MDGA2: variants seen among roughly 807,000 people sequenced by gnomAD.
The protein encoded by MDGA2 is MAM domain-containing glycosylphosphatidylinositol anchor protein 2.
In MDGA2, 40 loss-of-function variants were observed where a neutral mutation model predicts 117.8. The ratio of observed to expected loss-of-function variants is 0.34; its 90% CI spans 0.26 to 0.44. The LOEUF (loss-of-function observed/expected upper bound fraction) is 0.44. Among genes scored for constraint, MDGA2 ranks in the 20% least tolerant of loss-of-function variants. The pLI is 1.00. For missense variants in MDGA2, 1,123 were observed against 1,250.6 expected (o/e 0.90, Z 1.54); for synonymous variants, 452 against 439.0 (o/e 1.03, Z -0.37).
chr14:46,998,172 G>A (rs1280960595), intron 8 of MDGA2, among the ~76,000 whole-genome samples: 4 of 152,098 alleles, frequency 2.6e-5, no homozygotes, highest in Admixed American at 2.6e-4. Context: ...GACCAGGCAT[G>A]GTGGCTCACA....
At position 47,269,620 on chromosome 14, in the gene MDGA2, T is replaced by G. The variant is rs1304700162; in HGVS notation, c.420+31791A>C. ...AACATAAATATGCTTTGTTGATCCT[T>G]GCTTCATTAAAGTATCAGTAAAGTA... is the stretch of plus-strand genomic sequence containing the variant. On this transcript the variant is annotated intron_variant, in intron 2 of 16. Transcript: ENST00000399232. Among the ~76,000 whole-genome samples, 5 of 152,300 alleles carry G rather than the reference T, an allele frequency of 3.3e-5. No individual in the cohort carries two copies. The South Asian group carries it at 1.0e-3, about 32-fold the overall frequency.
chr14:47,200,441 T>C, intron 3 of MDGA2: 1 of 422,378 alleles, frequency 2.4e-6, no homozygotes, highest in Admixed American at 4.0e-5. Context: ...AAGAGTTTAA[T>C]GCCATAATCA....
chr14:47,157,937 C>CT (rs1051958205), intron 3 of MDGA2, among the ~76,000 whole-genome samples: 13 of 151,158 alleles, frequency 8.6e-5, no homozygotes, highest in Admixed American at 5.9e-4. Context: ...AATTAAATGT[C>CT]TTTTTTTTGT....
intron 6 of MDGA2, among the ~76,000 whole-genome samples, chr14:47,094,935 A>C (rs1879875842): frequency 6.6e-6 from 1 of 152,050 alleles, no homozygotes; most frequent in East Asian, 1.9e-4. Flanking sequence ...TCTCAATACT[A>C]ATATTTTAAA....
At chr14:47,028,775 G>A in intron 8 of MDGA2, among the ~76,000 whole-genome samples, 1 of 152,104 alleles carries the variant, frequency 6.6e-6, no homozygotes, top group East Asian at 1.9e-4. Context: ...AATTATTACA[G>A]AAAATAAGAA....
chr14:47,580,425 T>C (rs10149988), intron 1 of MDGA2, among the ~76,000 whole-genome samples: 16,558 of 152,034 alleles, frequency 0.11, 1,042 homozygotes, highest in Middle Eastern at 0.15. Flanking sequence ...CTTAATCATT[T>C]TGCATTTGGT....
intron 3 of MDGA2, among the ~76,000 whole-genome samples, chr14:47,163,465 C>A (rs1883727495): frequency 6.6e-6 from 1 of 152,022 alleles, no homozygotes; most frequent in African/African-American, 2.4e-5. Flanking sequence ...GTGAATGGGT[C>A]TTGTGAGATC....
chr14:47,294,361 G>C (rs1380659490), intron 2 of MDGA2, among the ~76,000 whole-genome samples: 1 of 151,972 alleles, frequency 6.6e-6, no homozygotes, highest in African/African-American at 2.4e-5. Context: ...GCCTCCCAAA[G>C]TCCTGGGATT....
intron 3 of MDGA2, among the ~76,000 whole-genome samples, chr14:47,191,813 C>T (rs575015586): frequency 6.6e-6 from 1 of 152,258 alleles, no homozygotes; most frequent in South Asian, 2.1e-4. Context: ...TACTGTTTAG[C>T]TTTTCTTCTC....
At chr14:47,610,525 C>T (rs1349255584) in intron 1 of MDGA2, among the ~76,000 whole-genome samples, 3 of 151,832 alleles carry the variant, frequency 2.0e-5, no homozygotes, top group Non-Finnish European at 2.9e-5. Flanking sequence ...AGCAACCAAG[C>T]GGAGAATCAA....
chr14:47,090,932 A>G (rs1441442561), intron 6 of MDGA2, among the ~76,000 whole-genome samples: 1 of 152,140 alleles, frequency 6.6e-6, no homozygotes, highest in African/African-American at 2.4e-5. Context: ...GCCACCCTCT[A>G]GCTGCAATTA....
intron 1 of MDGA2, among the ~76,000 whole-genome samples, chr14:47,669,642 G>T (rs1030283295): frequency 6.6e-6 from 1 of 152,154 alleles, no homozygotes; most frequent in South Asian, 2.1e-4. Context: ...CGTGGCCATG[G>T]TGGTGACAAT....
chr14:46,847,024 G>T (rs1040158269), intron 15 of MDGA2, among the ~76,000 whole-genome samples: 6 of 152,026 alleles, frequency 3.9e-5, no homozygotes, highest in Non-Finnish European at 7.4e-5. Context: ...TTTCAAAGCT[G>T]CTGTCCTGGG....
chr14:46,876,819 A>G (rs1882250491), intron 12 of MDGA2, among the ~76,000 whole-genome samples: 3 of 151,640 alleles, frequency 2.0e-5, no homozygotes, highest in African/African-American at 7.2e-5. Flanking sequence ...ACAAATAAAT[A>G]GCTCTGATTT....
At chr14:47,033,296 C>T (rs759236737) in intron 8 of MDGA2, among the ~76,000 whole-genome samples, 1 of 150,688 alleles carries the variant, frequency 6.6e-6, no homozygotes, top group Middle Eastern at 3.4e-3. Context: ...ATTTGAAGTT[C>T]GCTAAAGCCA....
intron 3 of MDGA2, among the ~76,000 whole-genome samples, chr14:47,188,117 A>G (rs1884978471): frequency 6.6e-6 from 1 of 152,166 alleles, no homozygotes; most frequent in Non-Finnish European, 1.5e-5. Context: ...CGTTGGTTGC[A>G]TGTCACTATT....
intron 6 of MDGA2, among the ~76,000 whole-genome samples, chr14:47,079,793 G>A (rs980398460): frequency 2.6e-4 from 36 of 137,870 alleles, no homozygotes; most frequent in Middle Eastern, 8.3e-3. Context: ...GTGCAGTGGC[G>A]CAATCTCGGC....
At chr14:47,218,329 A>C in intron 2 of MDGA2, 134 bp from the exon 3 acceptor site, 1 of 765,880 alleles carries the variant, frequency 1.3e-6, no homozygotes, top group Middle Eastern at 2.4e-4. Flanking sequence ...TGAAGAAAAA[A>C]TTAATGTTTA....
At chr14:47,544,105 AC>A (rs1895408330) in intron 1 of MDGA2, among the ~76,000 whole-genome samples, 1 of 152,202 alleles carries the variant, frequency 6.6e-6, no homozygotes, top group Non-Finnish European at 1.5e-5. Context: ...GATAATGTCC[AC>A]ACATTTGAAA....
Sources: gnomAD v4.1 joint callset for allele counts (sites outside exome capture counted in the v4.1 genomes callset) on GRCh38, gnomAD v4.1.1 for gene constraint, MANE v1.5 for transcripts, NCBI Gene and HGNC (gene_info 2026-07-23, HGNC 2026-07-21) for gene names.